The following ANKS1A variants were observed in gnomAD, a reference collection of about 807,000 sequenced individuals.
ANKS1A encodes the protein ankyrin repeat and sterile alpha motif domain containing 1A, also known as ankyrin repeat and SAM domain-containing protein 1A.
A neutral mutation model predicts 120.3 loss-of-function variants in ANKS1A; 55 were observed. The ratio of observed to expected loss-of-function variants is 0.46; its 90% CI spans 0.37 to 0.57. The LOEUF is 0.57. Among genes scored for constraint, ANKS1A ranks in the 20% least tolerant of loss-of-function variants. ANKS1A has a pLI of 0.00. For synonymous variants in ANKS1A, 590 were observed against 604.7 expected, an observed-to-expected ratio of 0.98 and a Z score of 0.36; for missense variants, 1,123 against 1,480.3, an observed-to-expected ratio of 0.76 and a Z score of 3.96.
In ANKS1A at chr6:35,018,081, A is replaced by G. The variant is rs749895276; in HGVS notation, c.2010+22A>G. On this transcript the variant is annotated intron_variant, in intron 11 of 23. Transcript: ENST00000360359. ...TGAGGTAAGGCCGACATGACGTCACAGGGAGCTGGGCTGGCCAGGCTGGCC... is the reference window on the plus strand; with the variant it reads ...TGAGGTAAGGCCGACATGACGTCACGGGGAGCTGGGCTGGCCAGGCTGGCC... 11 of 1,605,942 alleles carry G rather than the reference A, an allele frequency of 6.8e-6. No individual in the cohort carries two copies. In the East Asian group the frequency reaches 2.2e-4, roughly 33 times the overall value.
intron 7 of ANKS1A, 42 bp downstream of exon 7, chr6:34,983,467 GA>G: frequency 6.8e-7 from 1 of 1,472,548 alleles, no homozygotes; most frequent in Non-Finnish European, 9.3e-7. Flanking sequence ...TGCTCAGCTT[GA>G]AAAGAGTTGA....
chr6:35,044,387 A>G lies in ANKS1A; in HGVS notation c.2011-9712A>G, dbSNP rs779371315. On this transcript the variant is annotated intron_variant, in intron 11 of 23. Coordinates refer to ENST00000360359, the MANE Select transcript of ANKS1A (RefSeq NM_015245.3). This position sits in a 1 kb window ranked among gnomAD's most constrained non-coding sequence, Gnocchi z 4.4. ...TCACAGCCGCGTTGCTGAAAGCGGC[A>G]AAGCTGATTCCACAGTCTCAGGCAT... Among the ~76,000 whole-genome samples, 5 of 152,246 alleles carry G rather than the reference A, an allele frequency of 3.3e-5. No homozygotes were observed. The highest frequency in any genetic ancestry group is 6.5e-5 in the Admixed American group (1 of 15,290).
At position 34,892,765 on chromosome 6, in the gene ANKS1A, G is replaced by T. The variant is rs1365217950; in HGVS notation, c.197+3166G>T. Among the ~76,000 whole-genome samples the T allele has an allele frequency of 2.0e-5, 3 of 152,174 alleles. No homozygotes were observed. The East Asian group carries it at 5.8e-4, about 29-fold the overall frequency. On this transcript the variant is annotated intron_variant, in intron 1 of 23. Coordinates refer to ENST00000360359, the MANE Select transcript of ANKS1A (RefSeq NM_015245.3). The stretch of plus-strand genomic sequence containing the variant: ...ATGTCTTTGGAGCACGTCATCTGTA[G>T]TGTACTTTGCTTGCCTAGCTTTCAC...
intron 1 of ANKS1A, among the ~76,000 whole-genome samples, chr6:34,944,307 C>T (rs1449496894): frequency 1.3e-5 from 2 of 151,846 alleles, no homozygotes; most frequent in East Asian, 3.8e-4. Context: ...TTATTTTGTA[C>T]TCCCACCCAG....
chr6:35,091,800 C>T (rs1243513783), downstream of ANKS1A, among the ~76,000 whole-genome samples: 2 of 152,200 alleles, frequency 1.3e-5, no homozygotes, highest in East Asian at 1.9e-4. Flanking sequence ...AAGTGCTCTC[C>T]TTTCAGGAAC....
intron 10 of ANKS1A, among the ~76,000 whole-genome samples, chr6:35,008,174 T>C (rs1031334355): frequency 6.6e-6 from 1 of 152,188 alleles, no homozygotes; most frequent in Non-Finnish European, 1.5e-5. Flanking sequence ...AATGAGACAG[T>C]TTGACAATTA....
chr6:35,078,458 G>T, intron 13 of ANKS1A, 100 bp from the exon 14 acceptor site: 2 of 1,041,294 alleles, frequency 1.9e-6, no homozygotes, highest in Non-Finnish European at 1.5e-6. Flanking sequence ...CTGCAGTGAA[G>T]GAGAATTTGG....
chr6:35,061,698 A>C (rs1776515158), intron 13 of ANKS1A, among the ~76,000 whole-genome samples: 1 of 152,260 alleles, frequency 6.6e-6, no homozygotes, highest in Non-Finnish European at 1.5e-5. Flanking sequence ...CTTAAGTTTT[A>C]AAATAGCAAT....
chr6:34,972,474 G>C (rs1771232724), intron 3 of ANKS1A: 1 of 340,830 alleles, frequency 2.9e-6, no homozygotes, highest in Non-Finnish European at 4.2e-6. Context: ...GGCATCCAGA[G>C]GGCAGATTCA....
chr6:34,963,828 T>C (rs953800838), intron 1 of ANKS1A, among the ~76,000 whole-genome samples: 6 of 152,218 alleles, frequency 3.9e-5, no homozygotes, highest in Non-Finnish European at 7.3e-5. Flanking sequence ...TGAGGTGATA[T>C]ATCATTTTGG....
Position 34,889,630 on chromosome 6 carries a change from T to C in ANKS1A, c.197+31T>C. ...TACGCGCCAGGGCCGGGCCGCTGCCTGCAGACCCTTTCTCCCCCACCCGTC... is the reference window on the plus strand; with the variant it reads ...TACGCGCCAGGGCCGGGCCGCTGCCCGCAGACCCTTTCTCCCCCACCCGTC... On this transcript the variant is annotated intron_variant, in intron 1 of 23. Coordinates refer to ENST00000360359, the MANE Select transcript of ANKS1A (RefSeq NM_015245.3). This position sits in a 1 kb window ranked among gnomAD's most constrained non-coding sequence, Gnocchi z 5.5. 1 of 1,273,544 alleles carries C rather than the reference T, an allele frequency of 7.9e-7. No homozygotes were observed. The allele number at this position is 1,273,544 out of a possible 1,614,324, so 78.9% of individuals were successfully genotyped here.
chr6:34,890,756 T>C (rs953440556), intron 1 of ANKS1A, among the ~76,000 whole-genome samples: 2 of 152,224 alleles, frequency 1.3e-5, no homozygotes, highest in Non-Finnish European at 2.9e-5. Flanking sequence ...GCCTGATTTC[T>C]TTTTCCTTCC....
At chr6:35,081,995 C>G (rs1310001440) in intron 17 of ANKS1A, among the ~76,000 whole-genome samples, 2 of 152,204 alleles carry the variant, frequency 1.3e-5, no homozygotes, top group Non-Finnish European at 2.9e-5. Context: ...TCCCTTTCTA[C>G]AAGCACAGCC....
intron 1 of ANKS1A, among the ~76,000 whole-genome samples, chr6:34,950,652 G>T (rs1375900068): frequency 6.6e-6 from 1 of 152,166 alleles, no homozygotes; most frequent in Non-Finnish European, 1.5e-5. Flanking sequence ...TGGGTAGAAA[G>T]CGACTTAAAG....
At chr6:35,027,425 G>A (rs1325524270) in intron 11 of ANKS1A, among the ~76,000 whole-genome samples, 1 of 152,216 alleles carries the variant, frequency 6.6e-6, no homozygotes, top group African/African-American at 2.4e-5. Flanking sequence ...GGGGACATCA[G>A]GGTAGAGGGA....
intron 1 of ANKS1A, among the ~76,000 whole-genome samples, chr6:34,949,310 G>C (rs1195554001): frequency 6.6e-6 from 1 of 152,156 alleles, no homozygotes; most frequent in Non-Finnish European, 1.5e-5. Context: ...TATAAGAGTA[G>C]GGAGGGTGAT....
At chr6:35,031,075 G>A (rs887005425) in intron 11 of ANKS1A, among the ~76,000 whole-genome samples, 7 of 152,210 alleles carry the variant, frequency 4.6e-5, no homozygotes, top group South Asian at 2.1e-4. Flanking sequence ...GTGAGCCCAA[G>A]TCAAAGACAG....
At chr6:34,941,601 T>TA (rs1461365727) in intron 1 of ANKS1A, among the ~76,000 whole-genome samples, 4 of 152,222 alleles carry the variant, frequency 2.6e-5, no homozygotes, top group Non-Finnish European at 5.9e-5. Flanking sequence ...ATTGAGTTTT[T>TA]ATAATGAATT....
Position 34,889,546 on chromosome 6 carries a change from C to T in ANKS1A, c.144C>T (p.Gly48=). ...CTGGGGGCGGCGGCGGCGGCAGCGG[C>T]GGCGGCGGCGGCGGCCTCGGCTCTT... ...GGSGGGGGGS[G]GGGGGLGSSS... Residue 48 remains glycine (G), a synonymous_variant, in exon 1 of 24, where the codon GGC becomes GGT. Coordinates refer to ENST00000360359, the MANE Select transcript of ANKS1A (RefSeq NM_015245.3). This position sits in a 1 kb window ranked among gnomAD's most constrained non-coding sequence, Gnocchi z 5.5. 2.4e-6 allele frequency: 3 copies of T among 1,266,856 alleles called. No individual in the cohort carries two copies. The highest frequency in any genetic ancestry group is 3.0e-6 in the Non-Finnish European group (3 of 1,015,690). 78.5% of individuals were successfully genotyped at this position (1,266,856 alleles called of 1,614,324 possible).
Sources: allele counts gnomAD v4.1 joint callset (sites outside exome capture counted in the v4.1 genomes callset), GRCh38; gene constraint gnomAD v4.1.1; non-coding constraint Gnocchi (gnomAD v3.1); transcripts MANE v1.5; gene names NCBI Gene and HGNC (gene_info 2026-07-23, HGNC 2026-07-21).